The following COMMD1 variants were observed in gnomAD, a reference collection of about 807,000 sequenced individuals.
The protein encoded by COMMD1 is copper metabolism domain containing 1.
Under a neutral mutation model 17.2 loss-of-function variants are expected in COMMD1, and 10 were observed. That is an observed-to-expected ratio of 0.58 (90% CI 0.36 to 0.99). The LOEUF (loss-of-function observed/expected upper bound fraction) is 0.99. Ranked by LOEUF, COMMD1 falls within the 50% of genes least tolerant of loss-of-function variation. COMMD1 has a pLI of 0.01. For missense variants in COMMD1, 270 were observed against 231.8 expected (o/e 1.17, Z -1.07); for synonymous variants, 97 against 91.6 (o/e 1.06, Z -0.34).
upstream of COMMD1, among the ~76,000 whole-genome samples, chr2:61,903,456 A>G (rs1217340151): frequency 6.6e-6 from 1 of 151,894 alleles, no homozygotes; most frequent in East Asian, 1.9e-4. Flanking sequence ...AAAAAAAAAA[A>G]AGAATACCTC....
chr2:62,085,052 A>G (rs551656008), intron 2 of COMMD1, among the ~76,000 whole-genome samples: 51 of 152,326 alleles, frequency 3.3e-4, no homozygotes, highest in African/African-American at 1.2e-3. Context: ...GCAAATAACT[A>G]TAACCCTAAT....
intron 1 of COMMD1, among the ~76,000 whole-genome samples, chr2:61,914,745 C>T (rs988872298): frequency 1.3e-5 from 2 of 151,520 alleles, no homozygotes; most frequent in African/African-American, 2.4e-5. Context: ...GGCTGGAGTG[C>T]GGTGGTGCAA....
At chr2:62,012,310 C>T (rs868660067) in intron 2 of COMMD1, among the ~76,000 whole-genome samples, 1 of 145,440 alleles carries the variant, frequency 6.9e-6, no homozygotes, top group Non-Finnish European at 1.5e-5. Flanking sequence ...CACACACACA[C>T]GTGACCTTTG....
intron 2 of COMMD1, among the ~76,000 whole-genome samples, chr2:62,029,984 C>A (rs921848558): frequency 6.6e-6 from 1 of 152,244 alleles, no homozygotes; most frequent in African/African-American, 2.4e-5. Context: ...GGAAATTGTT[C>A]ATTTTCATGC....
chr2:62,065,442 G>A (rs1326438421), intron 2 of COMMD1, among the ~76,000 whole-genome samples: 1 of 139,102 alleles, frequency 7.2e-6, no homozygotes, highest in Non-Finnish European at 1.5e-5. Flanking sequence ...TCCCATCTCA[G>A]CCTCCTGAGT....
intron 1 of COMMD1, among the ~76,000 whole-genome samples, chr2:61,937,509 A>G (rs1254484741): frequency 6.6e-6 from 1 of 152,222 alleles, no homozygotes; most frequent in Non-Finnish European, 1.5e-5. Flanking sequence ...CTTATAGCCA[A>G]TTAATTATCC....
intron 2 of COMMD1, among the ~76,000 whole-genome samples, chr2:62,067,789 T>G (rs1296469619): frequency 6.6e-6 from 1 of 152,168 alleles, no homozygotes; most frequent in Non-Finnish European, 1.5e-5. Context: ...CACCTGTCAC[T>G]TTGAGGATCT....
intron 2 of COMMD1, among the ~76,000 whole-genome samples, chr2:62,094,487 G>A (rs1051466667): frequency 3.9e-5 from 6 of 152,152 alleles, no homozygotes; most frequent in African/African-American, 7.2e-5. Flanking sequence ...TTTTGTTGTC[G>A]TTGTTGTTTT....
chr2:62,073,813 C>T (rs980919318), intron 2 of COMMD1, among the ~76,000 whole-genome samples: 3 of 152,162 alleles, frequency 2.0e-5, no homozygotes, highest in African/African-American at 4.8e-5. Context: ...ATTCTCCTGC[C>T]TCAGCCTCCG....
At chr2:62,095,647 A>AT (rs923571110) in intron 2 of COMMD1, among the ~76,000 whole-genome samples, 1 of 150,414 alleles carries the variant, frequency 6.6e-6, no homozygotes, top group African/African-American at 2.5e-5. Context: ...CAATAATCGT[A>AT]TAAGTGCAAC....
chr2:61,905,946 T>A, intron 1 of COMMD1, 88 bp downstream of exon 1: 1 of 1,348,588 alleles, frequency 7.4e-7, no homozygotes, highest in African/African-American at 1.4e-5. Context: ...TCCCCTGTCC[T>A]CACAAGCCGA....
intron 2 of COMMD1, among the ~76,000 whole-genome samples, chr2:62,004,386 C>T (rs949946755): frequency 2.0e-5 from 3 of 152,092 alleles, no homozygotes; most frequent in Non-Finnish European, 2.9e-5. Context: ...CTGCAGCCTC[C>T]ACCCTCCGAG....
chr2:61,892,919 G>C (rs1669468579), intron 1 of COMMD1, among the ~76,000 whole-genome samples: 1 of 151,732 alleles, frequency 6.6e-6, no homozygotes, highest in Non-Finnish European at 1.5e-5. Context: ...CCAGCCTGGA[G>C]TGCAGTGGCG....
At chr2:62,132,604 G>A (rs1171143178) in intron 2 of COMMD1, among the ~76,000 whole-genome samples, 1 of 152,084 alleles carries the variant, frequency 6.6e-6, no homozygotes, top group African/African-American at 2.4e-5. Flanking sequence ...CCAGCTCTTT[G>A]AAGGCCAAGG....
At chr2:61,944,277 C>A (rs1670846538) in intron 1 of COMMD1, among the ~76,000 whole-genome samples, 1 of 151,936 alleles carries the variant, frequency 6.6e-6, no homozygotes, top group African/African-American at 2.4e-5. Context: ...CATAGCAAGA[C>A]CCTGTCTCTA....
Position 62,128,950 on chromosome 2 carries a change from T to TA in COMMD1, c.463-6862dup, listed in dbSNP as rs5831628. Reference sequence around the variant, plus strand: ...CTGGGCAACAGAGCGAAACTCCATCTAAAAAAAAAAAAAAAAAAATCAGTA... The same window carrying TA: ...CTGGGCAACAGAGCGAAACTCCATCTAAAAAAAAAAAAAAAAAAAATCAGTA... On this transcript the variant is annotated intron_variant, in intron 2 of 2. Coordinates refer to ENST00000311832, the MANE Select transcript of COMMD1 (RefSeq NM_152516.4). Among the ~76,000 whole-genome samples, 823 of 130,370 alleles carry TA rather than the reference T, an allele frequency of 6.3e-3. 7 individuals carry two copies. Among genetic ancestry groups the TA allele is most frequent in the African/African-American group, 0.016 (581 of 35,990 alleles). The allele number at this position is 130,370 out of a possible 152,430, so 85.5% of individuals were successfully genotyped here. A position where few individuals can be genotyped will look rare whatever the true frequency, so the allele number is the denominator to read the frequency against.
intron 2 of COMMD1, among the ~76,000 whole-genome samples, chr2:62,055,935 G>A (rs747512186): frequency 6.6e-6 from 1 of 152,220 alleles, no homozygotes; most frequent in Non-Finnish European, 1.5e-5. Context: ...GCTTGTTTTT[G>A]TGCACTGTAT....
chr2:61,970,484 A>G (rs1671619611), intron 1 of COMMD1, among the ~76,000 whole-genome samples: 1 of 152,180 alleles, frequency 6.6e-6, no homozygotes, highest in African/African-American at 2.4e-5. Flanking sequence ...AATAATCTCT[A>G]GATTACTTAT....
chr2:62,041,115 C>T (rs1188753248), intron 2 of COMMD1, among the ~76,000 whole-genome samples: 1 of 152,194 alleles, frequency 6.6e-6, no homozygotes, highest in Non-Finnish European at 1.5e-5. Flanking sequence ...CTTTGCTCTT[C>T]CTCTAGATAT....
Sources: gnomAD v4.1 joint callset for allele counts (sites outside exome capture counted in the v4.1 genomes callset) on GRCh38, gnomAD v4.1.1 for gene constraint, MANE v1.5 for transcripts, NCBI Gene and HGNC (gene_info 2026-07-23, HGNC 2026-07-21) for gene names.